The following RBPMS variants were observed in gnomAD, a reference collection of about 807,000 sequenced individuals.
RBPMS encodes the protein RNA binding protein, mRNA processing factor, also known as RNA-binding protein with multiple splicing.
RBPMS carries 7 observed loss-of-function variants against 26.8 expected under a neutral mutation model. The ratio of observed to expected loss-of-function variants is 0.26; its 90% confidence interval spans 0.15 to 0.49. The LOEUF is 0.49. Among genes scored for constraint, RBPMS ranks in the 20% least tolerant of loss-of-function variants. The probability of loss-of-function intolerance (pLI) is 0.98; values close to 1 mark genes in which losing one functional copy is unlikely to be tolerated. For synonymous variants in RBPMS, 96 were observed against 93.3 expected (o/e 1.03, Z -0.17); for missense variants, 186 against 250.0 (o/e 0.74, Z 1.73).
At chr8:30,557,913 G>A (rs1177006114) in intron 6 of RBPMS, among the ~76,000 whole-genome samples, 3 of 152,206 alleles carry the variant, frequency 2.0e-5, no homozygotes, top group Non-Finnish European at 2.9e-5. Context: ...TGCCCAGAAT[G>A]GAGTGCAGTG....
In RBPMS at chr8:30,389,103, T is replaced by C. The variant is rs533258982; in HGVS notation, c.66+3945T>C. Among the ~76,000 whole-genome samples, 128 of 152,352 alleles carry C rather than the reference T, an allele frequency of 8.4e-4. 3 individuals are homozygous for C. In the South Asian group the frequency reaches 0.024, roughly 29 times the overall value. ...CATTGAGCATTAAAGTCAATCTACA[T>C]TGTGACTTCAGGAAAGTACAGAATG... On this transcript the variant is annotated intron_variant, in intron 1 of 8. Transcript: ENST00000397323.
intron 5 of RBPMS, among the ~76,000 whole-genome samples, chr8:30,536,036 G>C (rs144475298): frequency 6.6e-6 from 1 of 151,954 alleles, no homozygotes; most frequent in Non-Finnish European, 1.5e-5. Context: ...TGTAACATGC[G>C]CTATGCTAGG....
At chr8:30,435,807 AATT>A (rs967797259) in intron 1 of RBPMS, among the ~76,000 whole-genome samples, 59 of 152,252 alleles carry the variant, frequency 3.9e-4, no homozygotes, top group African/African-American at 1.3e-3. Context: ...TTGGTTAGAT[AATT>A]ATTATTTTTT....
chr8:30,483,475 G>T (rs1350193609), intron 4 of RBPMS, among the ~76,000 whole-genome samples: 5 of 152,098 alleles, frequency 3.3e-5, no homozygotes, highest in African/African-American at 1.2e-4. Context: ...CTAATTATCA[G>T]TGAACCTCCA....
intron 1 of RBPMS, among the ~76,000 whole-genome samples, chr8:30,455,457 TG>T (rs1815085870): frequency 6.6e-6 from 1 of 151,976 alleles, no homozygotes. Context: ...AAGTCCTGAC[TG>T]TGGTATAAAC....
intron 1 of RBPMS, among the ~76,000 whole-genome samples, chr8:30,435,624 C>T (rs1812368934): frequency 6.6e-6 from 1 of 152,086 alleles, no homozygotes. Flanking sequence ...ACACAGACAA[C>T]TAACTTGTGG....
intron 1 of RBPMS, among the ~76,000 whole-genome samples, chr8:30,425,171 G>A (rs1811216043): frequency 6.6e-6 from 1 of 152,030 alleles, no homozygotes. Context: ...TGCCCAGGCT[G>A]GTCTCAAACT....
At chr8:30,449,866 C>T (rs1391948125) in intron 1 of RBPMS, among the ~76,000 whole-genome samples, 2 of 152,232 alleles carry the variant, frequency 1.3e-5, no homozygotes, top group Non-Finnish European at 2.9e-5. Flanking sequence ...TTTATAAAGA[C>T]CTCCTTCAGG....
At chr8:30,506,975 G>A (rs1821139554) in intron 5 of RBPMS, among the ~76,000 whole-genome samples, 1 of 152,150 alleles carries the variant, frequency 6.6e-6, no homozygotes, top group Non-Finnish European at 1.5e-5. Context: ...AGGTGATGGT[G>A]GTCAAAGTTG....
At chr8:30,385,314 G>A in intron 1 of RBPMS, 156 bp downstream of exon 1, 3 of 473,870 alleles carry the variant, frequency 6.3e-6, no homozygotes, top group East Asian at 7.6e-5. Flanking sequence ...GGTGGATCTC[G>A]GGAGCGTGTG....
chr8:30,409,317 C>G (rs973862221), intron 1 of RBPMS, among the ~76,000 whole-genome samples: 2 of 151,962 alleles, frequency 1.3e-5, no homozygotes, highest in Non-Finnish European at 2.9e-5. Context: ...CCTCAGCCTC[C>G]CAAGTAGCTG....
intron 1 of RBPMS, among the ~76,000 whole-genome samples, chr8:30,450,495 G>A (rs575846335): frequency 6.6e-6 from 1 of 152,156 alleles, no homozygotes; most frequent in Non-Finnish European, 1.5e-5. Flanking sequence ...GGTCACTTCA[G>A]GTAGAGTCAG....
chr8:30,537,080 A>G (rs551904479), intron 5 of RBPMS, among the ~76,000 whole-genome samples: 42 of 152,326 alleles, frequency 2.8e-4, no homozygotes, highest in Admixed American at 5.2e-4. Flanking sequence ...AGGAGGAGGA[A>G]TGAAAATGTC....
At chr8:30,433,864 G>A (rs1182207345) in intron 1 of RBPMS, among the ~76,000 whole-genome samples, 1 of 152,086 alleles carries the variant, frequency 6.6e-6, no homozygotes, top group African/African-American at 2.4e-5. Flanking sequence ...GATTATACAC[G>A]TGTTATCTAA....
In RBPMS at chr8:30,531,225, A is replaced by T. The variant is rs151175422; in HGVS notation, c.398-13269A>T. Among the ~76,000 whole-genome samples the T allele has an allele frequency of 6.9e-3, 1,048 of 152,230 alleles. 8 individuals are homozygous for T. The highest frequency in any genetic ancestry group is 0.022 in the African/African-American group (919 of 41,530). ...TGTAGGGGACCTTGCCTGCACTGGGATGGCTTGGACACCTTCATTCTAAAA... is the reference window on the plus strand; with the variant it reads ...TGTAGGGGACCTTGCCTGCACTGGGTTGGCTTGGACACCTTCATTCTAAAA... On this transcript the variant is annotated intron_variant, in intron 5 of 8. Transcript: ENST00000397323.
chr8:30,547,456 A>G, intron 6 of RBPMS: 1 of 1,576,506 alleles, frequency 6.3e-7, no homozygotes, highest in Non-Finnish European at 8.6e-7. Flanking sequence ...CCCCTTTCAC[A>G]AAAACTATTT....
At position 30,544,753 on chromosome 8, in the gene RBPMS, C is replaced by G. The variant is rs980330612; in HGVS notation, c.528+129C>G. 5 of 1,599,184 alleles carry G rather than the reference C, an allele frequency of 3.1e-6. No homozygotes were observed. The African/African-American group carries it at 4.0e-5, about 13-fold the overall frequency. ...GATCCACCCTCAAGAGATTAATGAT[C>G]CCCTCTAAATCAAGCTGACACTCCT... On this transcript the variant is annotated intron_variant, in intron 6 of 8. Transcript: ENST00000397323.
At chr8:30,485,883 G>A (rs1818716265) in intron 4 of RBPMS, among the ~76,000 whole-genome samples, 1 of 152,170 alleles carries the variant, frequency 6.6e-6, no homozygotes, top group African/African-American at 2.4e-5. Flanking sequence ...GCAGTTTTTA[G>A]ATGTTATAAA....
intron 5 of RBPMS, among the ~76,000 whole-genome samples, chr8:30,518,711 T>TTTTTTTTTTTTTTTTTTTG (rs1554533817): frequency 1.5e-5 from 2 of 136,636 alleles, no homozygotes; most frequent in Non-Finnish European, 3.1e-5. Flanking sequence ...TTTTTTTTTT[T>TTTTTTTTTTTTTTTTTTTG]TTTTCTGAAA....
Sources: gnomAD v4.1 joint callset for allele counts (sites outside exome capture counted in the v4.1 genomes callset) on GRCh38, gnomAD v4.1.1 for gene constraint, MANE v1.5 for transcripts, NCBI Gene and HGNC (gene_info 2026-07-23, HGNC 2026-07-21) for gene names.